Variants in KCNIP4 observed in about 807,000 individuals in gnomAD.
The protein encoded by KCNIP4 is potassium voltage-gated channel interacting protein 4, also known as Kv channel-interacting protein 4.
Under a neutral mutation model 34.0 loss-of-function variants are expected in KCNIP4, and 12 were observed. The observed-to-expected ratio is 0.35, with a 90% CI of 0.23 to 0.57. The LOEUF (loss-of-function observed/expected upper bound fraction) is 0.57. KCNIP4 is among the 20% of genes least tolerant of loss of function. The probability of loss-of-function intolerance (pLI) is 0.83; values close to 1 mark genes in which losing one functional copy is unlikely to be tolerated. For missense variants in KCNIP4, 238 were observed against 311.7 expected (o/e 0.76, Z 1.78); for synonymous variants, 124 against 102.2 (o/e 1.21, Z -1.29).
rs1033290060 is a variant in KCNIP4, at chr4:20,900,187, ATAGGGCTCCT to A, written c.62-17488_62-17479del. Among the ~76,000 whole-genome samples, 221 of 152,320 alleles carry A rather than the reference ATAGGGCTCCT, an allele frequency of 1.5e-3. 2 individuals carry two copies. The highest frequency in any genetic ancestry group is 1.2e-3 in the Non-Finnish European group (83 of 68,032). ...CTTCCAGATCTCAATGAAATGGAAT[ATAGGGCTCCT>A]TAGGAAACCCAAGACCACCTATTTT... is the stretch of plus-strand genomic sequence containing the variant. On this transcript the variant is annotated intron_variant, in intron 1 of 8. Transcript: ENST00000382152.
intron 1 of KCNIP4, among the ~76,000 whole-genome samples, chr4:21,064,915 G>A (rs28571862): frequency 0.023 from 3,549 of 152,200 alleles, 126 homozygotes; most frequent in African/African-American, 0.08. Context: ...TCCAAAACAT[G>A]GGTCAGCTTC....
At chr4:21,519,480 ATATACACATATGTGTGTATGTGTATGTG>A (rs1735151647) in intron 1 of KCNIP4, among the ~76,000 whole-genome samples, 1 of 137,024 alleles carries the variant, frequency 7.3e-6, no homozygotes, top group East Asian at 2.2e-4. Flanking sequence ...GTGTATGTGT[ATATACACATATGTGTGTATGTGTATGTG>A]TATATACACA....
intron 1 of KCNIP4, chr4:21,843,841 T>G (rs1048955394): frequency 6.6e-6 from 1 of 152,096 alleles, no homozygotes; most frequent in Admixed American, 6.6e-5. Flanking sequence ...AACTCCTCAG[T>G]AAGTTTTATA....
chr4:21,380,819 T>C (rs1721438111), intron 1 of KCNIP4, among the ~76,000 whole-genome samples: 1 of 146,286 alleles, frequency 6.8e-6, no homozygotes, highest in Admixed American at 7.0e-5. Context: ...TACTCACAGA[T>C]ACACTATATT....
intron 3 of KCNIP4, among the ~76,000 whole-genome samples, chr4:20,782,106 G>A (rs988928188): frequency 6.6e-6 from 1 of 152,178 alleles, no homozygotes; most frequent in African/African-American, 2.4e-5. Context: ...TTTTATTCCA[G>A]GTGTCACATC....
intron 1 of KCNIP4, among the ~76,000 whole-genome samples, chr4:21,877,407 A>C (rs2109377152): frequency 1.3e-5 from 2 of 152,310 alleles, no homozygotes; most frequent in Admixed American, 1.3e-4. Context: ...TACCATTGTC[A>C]TTAAATGTAT....
intron 1 of KCNIP4, among the ~76,000 whole-genome samples, chr4:21,065,726 C>CTGTA (rs1553933158): frequency 3.5e-5 from 3 of 86,370 alleles, no homozygotes; most frequent in African/African-American, 1.3e-4. Flanking sequence ...TATCATTTGT[C>CTGTA]TATATATATA....
rs189085657 is a variant in KCNIP4 at position 20,893,493 on chromosome 4, G to T, written c.62-10784C>A. Among the ~76,000 whole-genome samples, 859 of 152,160 alleles carry T rather than the reference G, an allele frequency of 5.6e-3. 6 individuals carry two copies. Among genetic ancestry groups the T allele is most frequent in the Non-Finnish European group, 8.9e-3 (604 of 67,998 alleles). On this transcript the variant is annotated intron_variant, in intron 1 of 8. Transcript: ENST00000382152. ...GCTGGAGTGCAGCAGCTTGATCATG[G>T]CTCACTGCAGCCTCGAACTCCTGGG...
chr4:21,312,731 C>T (rs1223123746), intron 1 of KCNIP4, among the ~76,000 whole-genome samples: 2 of 152,148 alleles, frequency 1.3e-5, no homozygotes, highest in East Asian at 3.9e-4. Context: ...TTCATGACAA[C>T]TTTCTCTCAT....
intron 1 of KCNIP4, among the ~76,000 whole-genome samples, chr4:20,926,231 C>T (rs1272866197): frequency 2.0e-5 from 3 of 152,220 alleles, no homozygotes; most frequent in East Asian, 3.9e-4. Context: ...GGCTCTTCTA[C>T]ACAACGCCTA....
chr4:21,277,391 GAAAC>G lies in KCNIP4; in HGVS notation c.62-394686_62-394683del, dbSNP rs554482841. ...TTCAGAGGCTACAGATTCAGTGCAG[GAAAC>G]AAACAAAAATAAATTTTAAAAATAT... On this transcript the variant is annotated intron_variant, in intron 1 of 8. Transcript: ENST00000382152. Among the ~76,000 whole-genome samples the G allele has an allele frequency of 1.2e-3, 185 of 152,186 alleles. 1 individual carries two copies. Among genetic ancestry groups the G allele is most frequent in the African/African-American group, 4.3e-3 (180 of 41,532 alleles).
intron 1 of KCNIP4, among the ~76,000 whole-genome samples, chr4:21,678,493 G>C (rs892931595): frequency 6.6e-6 from 1 of 152,068 alleles, no homozygotes; most frequent in Admixed American, 6.5e-5. Flanking sequence ...TTCCACTCAC[G>C]ACATGTGCTT....
chr4:20,983,909 C>T (rs1418023676), intron 1 of KCNIP4: 1 of 1,536,086 alleles, frequency 6.5e-7, no homozygotes, highest in Non-Finnish European at 8.7e-7. Flanking sequence ...TTCGGACTCC[C>T]ACTCCAGAGT....
At chr4:21,907,097 C>G (rs1728047254) in intron 1 of KCNIP4, among the ~76,000 whole-genome samples, 1 of 152,082 alleles carries the variant, frequency 6.6e-6, no homozygotes, top group Admixed American at 6.6e-5. Flanking sequence ...GTGTCCCCCA[C>G]AATTCACGTG....
At chr4:20,933,810 G>A (rs1355284239) in intron 1 of KCNIP4, among the ~76,000 whole-genome samples, 2 of 151,904 alleles carry the variant, frequency 1.3e-5, no homozygotes, top group Non-Finnish European at 2.9e-5. Flanking sequence ...TCACAAGTAG[G>A]GTGGCTACCC....
intron 1 of KCNIP4, among the ~76,000 whole-genome samples, chr4:21,672,090 C>T (rs573302084): frequency 8.3e-4 from 127 of 152,138 alleles, no homozygotes; most frequent in Non-Finnish European, 1.3e-3. Flanking sequence ...CTGGTTCTGA[C>T]GTGGACACAA....
intron 1 of KCNIP4, among the ~76,000 whole-genome samples, chr4:21,680,542 C>T (rs978991523): frequency 2.0e-5 from 3 of 152,132 alleles, no homozygotes; most frequent in East Asian, 1.9e-4. Context: ...TTACTTTTCC[C>T]AGATCATCAG....
intron 1 of KCNIP4, among the ~76,000 whole-genome samples, chr4:21,878,849 A>C (rs962363259): frequency 7.2e-5 from 11 of 152,190 alleles, no homozygotes; most frequent in African/African-American, 2.7e-4. Flanking sequence ...TATTAGAATG[A>C]AGTGAGATGA....
At chr4:21,522,798 T>C (rs1735651882) in intron 1 of KCNIP4, among the ~76,000 whole-genome samples, 2 of 152,112 alleles carry the variant, frequency 1.3e-5, no homozygotes, top group Admixed American at 6.6e-5. Flanking sequence ...CATTAGATTA[T>C]TGAATGGATT....
Sources: gnomAD v4.1 joint callset for allele counts (sites outside exome capture counted in the v4.1 genomes callset) on GRCh38, gnomAD v4.1.1 for gene constraint, MANE v1.5 for transcripts, NCBI Gene and HGNC (gene_info 2026-07-23, HGNC 2026-07-21) for gene names.